PSG9: variants seen among roughly 807,000 people sequenced by gnomAD.
PSG9 encodes pregnancy specific beta-1-glycoprotein 9.
PSG9 carries 49 observed loss-of-function variants against 41.9 expected under a neutral mutation model. The ratio of observed to expected loss-of-function variants is 1.17; its 90% CI spans 0.93 to 1.48. The LOEUF (loss-of-function observed/expected upper bound fraction) is 1.48. PSG9 is among the 40% of genes most tolerant of loss of function. The pLI is 0.00. For missense variants in PSG9, 641 were observed against 520.3 expected, an observed-to-expected ratio of 1.23 and a Z score of -2.26; for synonymous variants, 263 against 196.8, an observed-to-expected ratio of 1.34 and a Z score of -2.82.
At chr19:43,268,994 G>A (rs1336886448) in intron 1 of PSG9, among the ~76,000 whole-genome samples, 2 of 151,876 alleles carry the variant, frequency 1.3e-5, no homozygotes, top group Non-Finnish European at 2.9e-5. Flanking sequence ...CTGCAACAGA[G>A]CCTTCTTTCC....
In PSG9 at chr19:43,254,255, C is replaced by T. The variant is rs1005678240; in HGVS notation, c.1244-609G>A. Among the ~76,000 whole-genome samples the T allele has an allele frequency of 3.4e-5, 5 of 146,202 alleles. 1 individual carries two copies. Among genetic ancestry groups the T allele is most frequent in the African/African-American group, 1.3e-4 (5 of 38,414 alleles). On this transcript the variant is annotated intron_variant, in intron 5 of 5. Transcript: ENST00000270077. ...CATTTTGCCGATGAAAAGACAGAAG[C>T]TTAGCATGGTGTAAAAACTTTCCTG...
chr19:43,269,347 C>G, intron 1 of PSG9, 21 bp downstream of exon 1: 1 of 1,613,336 alleles, frequency 6.2e-7, no homozygotes, highest in Non-Finnish European at 8.5e-7. Context: ...CCTGTCCTCT[C>G]CCAGGAAGTT....
chr19:43,258,574 AG>A, intron 4 of PSG9, 118 bp from the exon 5 acceptor site: 1 of 1,453,172 alleles, frequency 6.9e-7, no homozygotes, highest in Non-Finnish European at 9.1e-7. Flanking sequence ...TCCCAGCCAA[AG>A]TCCCTCTATG....
Position 43,258,267 on chromosome 19 carries a change from G to A in PSG9, c.1178C>T (p.Ala393Val), listed in dbSNP as rs768389868. 9.4e-6 allele frequency: 15 copies of A among 1,593,008 alleles called. 1 individual carries two copies. Among genetic ancestry groups the A allele is most frequent in the Middle Eastern group, 1.7e-4 (1 of 5,988 alleles). Residue 393 changes from alanine (A) to valine (V), a missense_variant, in exon 5 of 6, where the codon GCT becomes GTT. Physicochemically the swap from Ala to Val is moderately conservative, Grantham distance 64 (BLOSUM62 0). Transcript: ENST00000270077. ...AGTGGCTGAGTTATGAACAGAGCAAGCATAGAGCCCGCTATGATTTCTAGT... is the reference window on the plus strand; with the variant it reads ...AGTGGCTGAGTTATGAACAGAGCAAACATAGAGCCCGCTATGATTTCTAGT... Reference protein sequence around the residue: ...QITRNHSGLYACSVHNSATGK... With the variant: ...QITRNHSGLYVCSVHNSATGK...
rs764384157 is a variant in PSG9 at position 43,269,317 on chromosome 19, C to G, written c.64+51G>C. On this transcript the variant is annotated intron_variant, in intron 1 of 5. Transcript: ENST00000270077. Reference sequence around the variant, plus strand: ...CCCATCCTCTCCAGGAGACCCCATCCAGTCACTCCGCTTCCTCCCCCTGTC... The same window carrying G: ...CCCATCCTCTCCAGGAGACCCCATCGAGTCACTCCGCTTCCTCCCCCTGTC... The G allele has an allele frequency of 9.4e-5, 152 of 1,612,210 alleles. 2 individuals carry two copies. Among genetic ancestry groups the G allele is most frequent in the Non-Finnish European group, 1.2e-4 (144 of 1,179,044 alleles).
Position 43,255,537 on chromosome 19 carries a change from A to G in PSG9, c.1244-1891T>C, listed in dbSNP as rs974114749. Among the ~76,000 whole-genome samples the G allele has an allele frequency of 1.6e-4, 23 of 146,908 alleles. 5 individuals carry two copies. Among genetic ancestry groups the G allele is most frequent in the African/African-American group, 4.1e-4 (16 of 38,808 alleles). On this transcript the variant is annotated intron_variant, in intron 5 of 5. Transcript: ENST00000270077. ...AAATTAGGCAAGAATTGAAAAAAAG[A>G]CATTCAAATTGGAAGGAAGGAGTAA...
At chr19:43,266,809 A>G (rs1282821138) in intron 2 of PSG9, among the ~76,000 whole-genome samples, 1 of 152,060 alleles carries the variant, frequency 6.6e-6, no homozygotes, top group East Asian at 1.9e-4. Flanking sequence ...ACCTCATGTG[A>G]CCCTGATCTC....
rs1326609244 is a variant in PSG9 at position 43,268,014 on chromosome 19, C to A, written c.200G>T (p.Trp67Leu). 1 of 1,613,732 alleles carries A rather than the reference C, an allele frequency of 6.2e-7. No homozygotes were observed. The highest frequency in any genetic ancestry group is 8.5e-7 in the Non-Finnish European group (1 of 1,179,884). ...GAGGTCCGTCATTTCCCCTTTGTAC[C>A]AGAAGTAGCCAGGAAGATTCTGGGG... The part of the protein sequence containing the change: ...NLPQNLPGYF[W>L]YKGEMTDLYH... Residue 67 changes from tryptophan to leucine, a missense_variant, in exon 2 of 6, where the codon TGG (tryptophan) becomes TTG (leucine). By Grantham distance (61) the Trp-to-Leu change is moderately conservative. Coordinates refer to ENST00000270077, the MANE Select transcript of PSG9 (RefSeq NM_002784.5).
At chr19:43,257,660 A>C in intron 5 of PSG9, 1 of 1,049,068 alleles carries the variant, frequency 9.5e-7, no homozygotes, top group Non-Finnish European at 1.1e-6. Flanking sequence ...CCCTTTCTAC[A>C]CACACGCTAG....
Position 43,258,347 on chromosome 19 carries a change from C to T in PSG9, c.1098G>A (p.Trp366Ter), listed in dbSNP as rs150777161. 67 of 1,592,706 alleles carry T rather than the reference C, an allele frequency of 4.2e-5. 6 individuals are homozygous for T. Among genetic ancestry groups the T allele is most frequent in the Non-Finnish European group, 6.0e-6 (7 of 1,174,576 alleles). Residue 366 changes from tryptophan (W) to a stop codon, truncating the protein, a stop_gained, in exon 5 of 6, where the codon TGG (tryptophan) becomes TGA (stop). Coordinates refer to ENST00000270077, the MANE Select transcript of PSG9 (RefSeq NM_002784.5). LOFTEE classifies it high-confidence loss of function. ...ATTGCTGAAACTTCCCATTAATTGT[C>T]CAAAAATACTCTGCCGGTGGGTTAG... ...TESNPPAEYFWTINGKFQQSG... is the reference protein window; with the variant it reads ...TESNPPAEYF
At chr19:43,262,193 A>G in intron 2 of PSG9, 55 bp from the exon 3 acceptor site, 2 of 1,574,440 alleles carry the variant, frequency 1.3e-6, no homozygotes, top group Non-Finnish European at 1.7e-6. Flanking sequence ...ATTCCTCCAA[A>G]GGCATTTTTC....
chr19:43,260,200 A>G (rs867555413), intron 3 of PSG9: 15 of 147,408 alleles, frequency 1.0e-4, no homozygotes, highest in South Asian at 4.3e-4. Flanking sequence ...AGAATCAGAA[A>G]TTGTTCATGG....
rs8100948 is a variant in PSG9 at position 43,269,135 on chromosome 19, G to C, written c.64+233C>G. On this transcript the variant is annotated intron_variant, in intron 1 of 5. Transcript: ENST00000270077. Reference sequence around the variant, plus strand: ...TTCTCCCACCTCAGCCTCCCGAGTAGCTAGGATTACAGGAGTACACCACCA... The same window carrying C: ...TTCTCCCACCTCAGCCTCCCGAGTACCTAGGATTACAGGAGTACACCACCA... 0.12 allele frequency among the ~76,000 whole-genome samples: 18,271 copies of C among 151,998 alleles called. 1,550 individuals are homozygous for C. The highest frequency in any genetic ancestry group is 0.37 in the East Asian group (1,907 of 5,148).
chr19:43,266,405 T>C (rs1968969384), intron 2 of PSG9, among the ~76,000 whole-genome samples: 2 of 151,310 alleles, frequency 1.3e-5, no homozygotes, highest in South Asian at 4.2e-4. Flanking sequence ...TCATTCAAGT[T>C]CTTCATTCAT....
chr19:43,255,438 A>G (rs903892171), intron 5 of PSG9, among the ~76,000 whole-genome samples: 4 of 146,812 alleles, frequency 2.7e-5, no homozygotes, highest in African/African-American at 1.0e-4. Flanking sequence ...CTTTCCCTGT[A>G]TGAGCAGTAA....
intron 5 of PSG9, among the ~76,000 whole-genome samples, chr19:43,256,192 G>A (rs1968438500): frequency 6.8e-6 from 1 of 146,122 alleles, no homozygotes; most frequent in Non-Finnish European, 1.5e-5. Context: ...CTAACACCAT[G>A]TACAAAAATT....
chr19:43,268,360 G>A (rs1474881343), intron 1 of PSG9, among the ~76,000 whole-genome samples: 1 of 152,080 alleles, frequency 6.6e-6, no homozygotes, highest in East Asian at 1.9e-4. Flanking sequence ...AAGGTCAGCA[G>A]CATGACCCCC....
rs1383117705 is a variant in PSG9, at chr19:43,253,511, G to C, written c.*98C>G. 1.7e-5 allele frequency: 8 copies of C among 484,672 alleles called. 1 individual carries two copies. Among genetic ancestry groups the C allele is most frequent in the Middle Eastern group, 5.9e-4 (2 of 3,380 alleles). 30.0% of individuals were successfully genotyped at this position (484,672 alleles called of 1,614,324 possible). ...AAAATTATGAAAACATTATCCTTTTGATTATTTAGTCCAATAACATTGAGT... is the reference window on the plus strand; with the variant it reads ...AAAATTATGAAAACATTATCCTTTTCATTATTTAGTCCAATAACATTGAGT... On this transcript the variant is annotated 3_prime_UTR_variant, in exon 6 of 6. Transcript: ENST00000270077.
chr19:43,267,825 T>G lies in PSG9; in HGVS notation c.389A>C (p.Glu130Ala). ...YTLHIIKRGD[E>A]TREEIRHFTF... ...GAAATGTCGAATTTCTTCTCTAGTC[T>G]CATCACCTCGCTTTATGATGTGTAA... is the stretch of plus-strand genomic sequence containing the variant. The change falls in exon 2 of 6, where the codon GAG becomes GCG. Residue 130 changes from glutamate to alanine, a missense_variant. Transcript: ENST00000270077. 6.2e-7 allele frequency: 1 copy of G among 1,613,492 alleles called. No homozygotes were observed.
Sources: allele counts gnomAD v4.1 joint callset (sites outside exome capture counted in the v4.1 genomes callset), GRCh38; gene constraint gnomAD v4.1.1; transcripts MANE v1.5; gene names NCBI Gene and HGNC (gene_info 2026-07-23, HGNC 2026-07-21).